ATXN7: variants seen among roughly 807,000 people sequenced by gnomAD.
The protein encoded by ATXN7 is ataxin 7.
ATXN7 carries 12 observed loss-of-function variants against 70.5 expected under a neutral mutation model. The ratio of observed to expected loss-of-function variants is 0.17; its 90% CI spans 0.11 to 0.28. The LOEUF (loss-of-function observed/expected upper bound fraction) is 0.28. ATXN7 is among the 10% of genes least tolerant of loss of function. The pLI, the probability that ATXN7 is intolerant of heterozygous loss-of-function variation, is 1.00. For synonymous variants in ATXN7, 498 were observed against 448.7 expected (o/e 1.11, Z -1.39); for missense variants, 1,256 against 1,131.7 (o/e 1.11, Z -1.58).
chr3:63,979,764 G>T, intron 5 of ATXN7, 151 bp from the exon 6 acceptor site: 1 of 995,772 alleles, frequency 1.0e-6, no homozygotes, highest in South Asian at 1.7e-5. Context: ...GGGCCTAGAT[G>T]AGCCATTTCT....
chr3:63,892,237 C>T (rs1703290111), intron 1 of ATXN7, among the ~76,000 whole-genome samples: 1 of 151,502 alleles, frequency 6.6e-6, no homozygotes, highest in African/African-American at 2.4e-5. Flanking sequence ...TGACTGAGGA[C>T]ACATATATGA....
intron 2 of ATXN7, chr3:63,901,822 G>A (rs1703652252): frequency 6.6e-6 from 1 of 152,134 alleles, no homozygotes. Context: ...TAAAAAAGAA[G>A]GAAGTATTGA....
chr3:63,989,529 A>G lies in ATXN7; in HGVS notation c.1362-647A>G, dbSNP rs200970048. Among the ~76,000 whole-genome samples the G allele has an allele frequency of 4.6e-5, 7 of 152,262 alleles. No individual in the cohort carries two copies. The East Asian group carries it at 1.2e-3, about 25-fold the overall frequency. ...TTGCAGATTGAAACTATTTGGGGAAAGAAAAATTGTGTCGTACTGAACATG... is the reference window on the plus strand; with the variant it reads ...TTGCAGATTGAAACTATTTGGGGAAGGAAAAATTGTGTCGTACTGAACATG... On this transcript the variant is annotated intron_variant, in intron 9 of 12. Transcript: ENST00000674280.
rs547642682 is a variant in ATXN7, at chr3:63,895,756, T to C, written c.-110-2643T>C. On this transcript the variant is annotated intron_variant, in intron 1 of 12. Coordinates refer to ENST00000674280, the MANE Select transcript of ATXN7 (RefSeq NM_001377405.1). The stretch of plus-strand genomic sequence containing the variant: ...CCTTTTCTCTCTCTCTCTCTTTCTC[T>C]CTTTTCTGTCTCTCTCTTGTTTCTC... Among the ~76,000 whole-genome samples the C allele has an allele frequency of 1.2e-3, 188 of 152,190 alleles. 2 individuals carry two copies. The highest frequency in any genetic ancestry group is 1.3e-3 in the Admixed American group (20 of 15,274).
At chr3:63,959,345 CGG>C (rs2075087190) in intron 5 of ATXN7, among the ~76,000 whole-genome samples, 2 of 152,058 alleles carry the variant, frequency 1.3e-5, no homozygotes, top group South Asian at 4.1e-4. Flanking sequence ...CTCCAGCAGT[CGG>C]GGGATGAGCC....
upstream of ATXN7, chr3:63,863,586 G>A: frequency 8.3e-7 from 1 of 1,198,366 alleles, no homozygotes; most frequent in Non-Finnish European, 1.0e-6. Flanking sequence ...GGCGAGAGGA[G>A]GAAGGACTCA....
chr3:63,942,691 G>A (rs536224357), intron 4 of ATXN7, among the ~76,000 whole-genome samples: 59 of 152,354 alleles, frequency 3.9e-4, no homozygotes, highest in African/African-American at 1.3e-3. Flanking sequence ...GATTGAAGCA[G>A]TGGCTAGTGT....
intron 11 of ATXN7, among the ~76,000 whole-genome samples, chr3:63,991,614 C>T (rs2075673044): frequency 1.3e-5 from 2 of 152,004 alleles, no homozygotes; most frequent in African/African-American, 4.8e-5. Flanking sequence ...AAATTGAGCA[C>T]AGTACAAGGA....
chr3:63,995,895 C>T lies in ATXN7; in HGVS notation c.2073C>T (p.Asn691=), dbSNP rs373921933. ...RPKESSGNST[N]CQNASSSTSG... ...AGGAGTCTTCTGGTAACAGCACTAA[C>T]TGTCAAAATGCCAGTAGCAGTACCA... The change falls in exon 12 of 13, where the codon AAC becomes AAT. Residue 691 remains asparagine, a synonymous_variant. Coordinates refer to ENST00000674280, the MANE Select transcript of ATXN7 (RefSeq NM_001377405.1). 2.9e-5 allele frequency: 47 copies of T among 1,614,130 alleles called. No homozygotes were observed. In the African/African-American group the frequency reaches 5.2e-4, roughly 18 times the overall value.
At chr3:63,893,501 T>C (rs1227592195) in intron 1 of ATXN7, among the ~76,000 whole-genome samples, 1 of 152,116 alleles carries the variant, frequency 6.6e-6, no homozygotes, top group Admixed American at 6.6e-5. Context: ...ATATTGAACA[T>C]ATTTGGAGAG....
chr3:63,932,725 C>G (rs527945161), intron 4 of ATXN7, among the ~76,000 whole-genome samples: 1 of 152,262 alleles, frequency 6.6e-6, no homozygotes, highest in East Asian at 1.9e-4. Flanking sequence ...TTCCCGTGAC[C>G]CCTTTCCCCA....
rs1378220965 is a variant in ATXN7 at position 63,990,871 on chromosome 3, T to A, written c.1682+12T>A. 1 of 1,614,234 alleles carries A rather than the reference T, an allele frequency of 6.2e-7. No homozygotes were observed. Among genetic ancestry groups the A allele is most frequent in the South Asian group, 1.1e-5 (1 of 91,086 alleles). On this transcript the variant is annotated intron_variant, in intron 11 of 12. Transcript: ENST00000674280. ...GCACAGCTATGGAAGTGAGTGCCTG[T>A]TGTTCTTGGGAGAGGAGCTGACTTT... is the stretch of plus-strand genomic sequence containing the variant.
chr3:63,921,341 A>C (rs935853400), intron 4 of ATXN7, among the ~76,000 whole-genome samples: 2 of 152,220 alleles, frequency 1.3e-5, no homozygotes, highest in African/African-American at 2.4e-5. Flanking sequence ...TAATGCTTTT[A>C]ACCAGTGGTC....
intron 1 of ATXN7, among the ~76,000 whole-genome samples, chr3:63,875,613 C>T (rs1237140058): frequency 6.6e-6 from 1 of 152,172 alleles, no homozygotes. Flanking sequence ...CCTCTTGGAG[C>T]CCTTCGATCT....
intron 5 of ATXN7, among the ~76,000 whole-genome samples, chr3:63,965,761 G>A (rs2075211616): frequency 6.6e-6 from 1 of 152,148 alleles, no homozygotes; most frequent in Non-Finnish European, 1.5e-5. Context: ...TTTACAAGCA[G>A]AACAAAGCAG....
chr3:63,994,109 G>T (rs1252786980), intron 11 of ATXN7, among the ~76,000 whole-genome samples: 1 of 152,182 alleles, frequency 6.6e-6, no homozygotes, highest in African/African-American at 2.4e-5. Flanking sequence ...CCGCAGAGAC[G>T]CTGGTGTAAT....
intron 4 of ATXN7, among the ~76,000 whole-genome samples, chr3:63,933,041 G>A (rs989561935): frequency 6.6e-6 from 1 of 152,188 alleles, no homozygotes; most frequent in African/African-American, 2.4e-5. Context: ...TTTATTTGCA[G>A]TAGTGATGCT....
Position 63,990,270 on chromosome 3 carries a change from C to G in ATXN7, c.1456C>G (p.Pro486Ala). The G allele has an allele frequency of 5.6e-6, 9 of 1,614,146 alleles. No individual in the cohort carries two copies. The highest frequency in any genetic ancestry group is 7.6e-6 in the Non-Finnish European group (9 of 1,180,028). ...ACACCCTCCCCTGCCTGCCACTGAG[C>G]CAGCTTCTCGGTTATCCAGTGAGGA... ...SPHPPLPATE[P>A]ASRLSSEEGE... The change falls in exon 10 of 13, where the codon CCA (proline) becomes GCA (alanine). Residue 486 changes from proline to alanine, a missense_variant. Pro to Ala is a conservative substitution (Grantham distance 27, BLOSUM62 -1). Coordinates refer to ENST00000674280, the MANE Select transcript of ATXN7 (RefSeq NM_001377405.1).
rs1704086598 is a variant in ATXN7 at position 63,912,702 on chromosome 3, A to AGCAGCAGCAGCAGCC, written c.107_121dup (p.Gln36_Pro40dup). 1.7e-6 allele frequency: 2 copies of AGCAGCAGCAGCAGCC among 1,185,208 alleles called. No individual in the cohort carries two copies. Among genetic ancestry groups the AGCAGCAGCAGCAGCC allele is most frequent in the Non-Finnish European group, 2.1e-6 (2 of 949,402 alleles). The allele number at this position is 1,185,208 out of a possible 1,614,324, so 73.4% of individuals were successfully genotyped here. On this transcript the variant is annotated inframe_insertion, in exon 3 of 13. Transcript: ENST00000674280. ...GCCGCCCGGCAGCAGCAGCAGCAGC[A>AGCAGCAGCAGCAGCC]GCAGCAGCAGCAGCCGCCGCCTCCG...
Sources: allele counts gnomAD v4.1 joint callset (sites outside exome capture counted in the v4.1 genomes callset), GRCh38; gene constraint gnomAD v4.1.1; transcripts MANE v1.5; gene names NCBI Gene and HGNC (gene_info 2026-07-23, HGNC 2026-07-21).